C14orf39: variants seen among roughly 807,000 people sequenced by gnomAD.
C14orf39 encodes chromosome 14 open reading frame 39, also known as protein SIX6OS1.
A neutral mutation model predicts 85.6 loss-of-function variants in C14orf39; 66 were observed. The observed-to-expected ratio is 0.77, with a 90% CI of 0.63 to 0.95. The LOEUF is 0.95. Among genes scored for constraint, C14orf39 ranks in the 40% least tolerant of loss-of-function variants. The pLI, the probability that C14orf39 is intolerant of heterozygous loss-of-function variation, is 0.00. For missense variants in C14orf39, 735 were observed against 663.9 expected (o/e 1.11, Z -1.18); for synonymous variants, 242 against 214.0 (o/e 1.13, Z -1.14).
chr14:60,509,374 C>G (rs762783680), intron 1 of C14orf39: 7 of 1,596,158 alleles, frequency 4.4e-6, no homozygotes, highest in Admixed American at 1.7e-5. Context: ...GGCTCAGTGC[C>G]CTCGCCGCCG....
rs191637535 is a variant in C14orf39 at position 60,459,905 on chromosome 14, T to C, written c.1118-1166A>G. On this transcript the variant is annotated intron_variant, in intron 13 of 17. Coordinates refer to ENST00000321731, the MANE Select transcript of C14orf39 (RefSeq NM_174978.3). ...GTACTTCAAATATATTATTTGCCCTTGTACTCTTTTTATGGTATCTTTTGA... is the reference window on the plus strand; with the variant it reads ...GTACTTCAAATATATTATTTGCCCTCGTACTCTTTTTATGGTATCTTTTGA... 2.7e-3 allele frequency among the ~76,000 whole-genome samples: 407 copies of C among 151,908 alleles called. 6 individuals carry two copies. The highest frequency in any genetic ancestry group is 1.7e-3 in the East Asian group (9 of 5,180).
rs746423618 is a variant in C14orf39 at position 60,461,487 on chromosome 14, TTTC to T, written c.1058+18_1058+20del. ...TAAATTATTTCAGAGATTAAAGCATTTTCTTATTTTAAAAAGTTACCTGACTTG... is the reference window on the plus strand; with the variant it reads ...TAAATTATTTCAGAGATTAAAGCATTTTATTTTAAAAAGTTACCTGACTTG... On this transcript the variant is annotated intron_variant, in intron 12 of 17. Coordinates refer to ENST00000321731, the MANE Select transcript of C14orf39 (RefSeq NM_174978.3). 6 of 1,573,350 alleles carry T rather than the reference TTTC, an allele frequency of 3.8e-6. No individual in the cohort carries two copies. The highest frequency in any genetic ancestry group is 4.3e-6 in the Non-Finnish European group (5 of 1,158,628).
chr14:60,490,772 A>T (rs190138828), upstream of C14orf39, among the ~76,000 whole-genome samples: 8 of 152,292 alleles, frequency 5.3e-5, no homozygotes, highest in East Asian at 1.5e-3. Flanking sequence ...AGACACCATC[A>T]CTACAACCAA....
chr14:60,502,424 G>C (rs1893160183), intron 1 of C14orf39, among the ~76,000 whole-genome samples: 1 of 151,656 alleles, frequency 6.6e-6, no homozygotes, highest in Non-Finnish European at 1.5e-5. Flanking sequence ...GGAGATGAGA[G>C]GGATAGAAAG....
At chr14:60,443,183 G>A (rs1411666203) in intron 16 of C14orf39, among the ~76,000 whole-genome samples, 1 of 152,188 alleles carries the variant, frequency 6.6e-6, no homozygotes, top group East Asian at 1.9e-4. Context: ...GACAGTGGGT[G>A]CAGCCCACAG....
At chr14:60,457,774 T>C (rs1421930620) in intron 14 of C14orf39, among the ~76,000 whole-genome samples, 1 of 152,018 alleles carries the variant, frequency 6.6e-6, no homozygotes, top group East Asian at 1.9e-4. Context: ...CTGAACTTGA[T>C]ATACATTGTT....
At chr14:60,465,148 A>C (rs1239774266) in intron 11 of C14orf39, among the ~76,000 whole-genome samples, 1 of 152,142 alleles carries the variant, frequency 6.6e-6, no homozygotes, top group Non-Finnish European at 1.5e-5. Context: ...TTTCTCATTT[A>C]TCTTTCCACC....
At chr14:60,500,043 T>A (rs1893118447) in intron 1 of C14orf39, among the ~76,000 whole-genome samples, 1 of 152,194 alleles carries the variant, frequency 6.6e-6, no homozygotes. Context: ...TTTTATTTTT[T>A]TGAGATTGAG....
intron 2 of C14orf39, among the ~76,000 whole-genome samples, chr14:60,498,360 G>A (rs1893097611): frequency 6.6e-6 from 1 of 152,138 alleles, no homozygotes; most frequent in South Asian, 2.1e-4. Context: ...TACCTTTCCA[G>A]GCTAATCACT....
In C14orf39 at chr14:60,456,964, AGGTGCTTTCAC is replaced by A; in HGVS notation, c.1300_1310del (p.Val434Ter). 1 of 1,604,902 alleles carries A rather than the reference AGGTGCTTTCAC, an allele frequency of 6.2e-7. No homozygotes were observed. ...GGAATTTTATTTTCTCCAATGACTC[AGGTGCTTTCAC>A]AGCTTTGGGAGTTCCTAAAAATATA... is the stretch of plus-strand genomic sequence containing the variant. On this transcript the variant is annotated frameshift_variant, in exon 15 of 18. Coordinates refer to ENST00000321731, the MANE Select transcript of C14orf39 (RefSeq NM_174978.3). LOFTEE classifies it high-confidence loss of function.
At chr14:60,468,226 T>C (rs1391278864) in intron 9 of C14orf39, among the ~76,000 whole-genome samples, 1 of 151,744 alleles carries the variant, frequency 6.6e-6, no homozygotes, top group African/African-American at 2.4e-5. Flanking sequence ...CTATTTCTCT[T>C]TACACATTAT....
intron 1 of C14orf39, among the ~76,000 whole-genome samples, chr14:60,513,942 A>G (rs1055370930): frequency 6.6e-6 from 1 of 152,244 alleles, no homozygotes; most frequent in African/African-American, 2.4e-5. Context: ...TACATTTTAA[A>G]GTAGCTATTC....
At chr14:60,488,564 C>T (rs1892939301), upstream of C14orf39, among the ~76,000 whole-genome samples, 1 of 152,126 alleles carries the variant, frequency 6.6e-6, no homozygotes, top group Non-Finnish European at 1.5e-5. Context: ...ACACCTTTGC[C>T]TCTTGATCCA....
At position 60,436,684 on chromosome 14, in the gene C14orf39, A is replaced by AAT; in HGVS notation, c.*159_*160dup. On this transcript the variant is annotated 3_prime_UTR_variant, in exon 18 of 18. Transcript: ENST00000321731. ...AGTTAATAGCACACACAAAACCCAA[A>AAT]ATATTCAGTATTTCAATATTTCAAT... 1.9e-6 allele frequency: 1 copy of AAT among 524,806 alleles called. No homozygotes were observed. The highest frequency in any genetic ancestry group is 3.2e-6 in the Non-Finnish European group (1 of 312,982). 32.5% of individuals were successfully genotyped at this position (524,806 alleles called of 1,614,324 possible).
At chr14:60,488,633 T>C (rs1235554032), upstream of C14orf39, among the ~76,000 whole-genome samples, 1 of 152,152 alleles carries the variant, frequency 6.6e-6, no homozygotes, top group East Asian at 1.9e-4. Flanking sequence ...AATTGCACGG[T>C]ATTCCTTTTC....
chr14:60,509,082 G>A, intron 1 of C14orf39: 1 of 430,846 alleles, frequency 2.3e-6, no homozygotes, highest in Non-Finnish European at 4.2e-6. Context: ...GCTTTGATTG[G>A]CAGAGCCACC....
chr14:60,495,725 T>C (rs1403452088), intron 2 of C14orf39: 6 of 197,170 alleles, frequency 3.0e-5, no homozygotes, highest in Non-Finnish European at 5.2e-5. Flanking sequence ...GGAGCGGAGT[T>C]GTATCTACAA....
chr14:60,466,337 C>A (rs1891790375), intron 10 of C14orf39, among the ~76,000 whole-genome samples: 1 of 151,918 alleles, frequency 6.6e-6, no homozygotes, highest in Non-Finnish European at 1.5e-5. Context: ...GACAAAGAAA[C>A]CAGCCAATGT....
At chr14:60,489,507 C>G (rs1892953611), upstream of C14orf39, among the ~76,000 whole-genome samples, 1 of 152,130 alleles carries the variant, frequency 6.6e-6, no homozygotes, top group Non-Finnish European at 1.5e-5. Context: ...TGGAATGAAA[C>G]TTCTTCAAAT....
Sources: gnomAD v4.1 joint callset for allele counts (sites outside exome capture counted in the v4.1 genomes callset) on GRCh38, gnomAD v4.1.1 for gene constraint, MANE v1.5 for transcripts, NCBI Gene and HGNC (gene_info 2026-07-23, HGNC 2026-07-21) for gene names.